MAPK10: variants seen among roughly 807,000 people sequenced by gnomAD.
The protein encoded by MAPK10 is JNK3 alpha protein kinase.
MAPK10 carries 25 observed loss-of-function variants against 59.3 expected under a neutral mutation model. That is an observed-to-expected ratio of 0.42 (90% confidence interval 0.31 to 0.59). The LOEUF is 0.59. Ranked by LOEUF, MAPK10 falls within the 20% of genes least tolerant of loss-of-function variation. The pLI is 0.15. For missense variants in MAPK10, 351 were observed against 568.9 expected, an observed-to-expected ratio of 0.62 and a Z score of 3.90; for synonymous variants, 190 against 200.5, an observed-to-expected ratio of 0.95 and a Z score of 0.44.
At chr4:86,151,166 C>A (rs925540668) in intron 4 of MAPK10, among the ~76,000 whole-genome samples, 9 of 152,202 alleles carry the variant, frequency 5.9e-5, no homozygotes, top group Admixed American at 1.3e-4. Context: ...AAGGAACTAA[C>A]TGGGCAGGGA....
At chr4:86,251,407 T>C (rs1311823460) in intron 2 of MAPK10, among the ~76,000 whole-genome samples, 1 of 150,278 alleles carries the variant, frequency 6.7e-6, no homozygotes, top group East Asian at 2.0e-4. Flanking sequence ...TCCCCACCTA[T>C]GAGTGAGAAT....
intron 1 of MAPK10, among the ~76,000 whole-genome samples, chr4:86,408,439 T>C (rs933344560): frequency 1.3e-5 from 2 of 152,156 alleles, no homozygotes; most frequent in African/African-American, 4.8e-5. Context: ...CTGGGTCAAA[T>C]GGTATTTCTA....
intron 1 of MAPK10, among the ~76,000 whole-genome samples, chr4:86,479,837 A>C (rs369855428): frequency 2.3e-4 from 35 of 152,210 alleles, no homozygotes; most frequent in Middle Eastern, 6.8e-3. Context: ...TAATTCTATA[A>C]GACAAATGTT....
chr4:86,339,681 C>T (rs1039776418), intron 2 of MAPK10, among the ~76,000 whole-genome samples: 2 of 152,150 alleles, frequency 1.3e-5, no homozygotes, highest in African/African-American at 4.8e-5. Flanking sequence ...TCAATTTACT[C>T]ATCTGTAAAG....
intron 2 of MAPK10, among the ~76,000 whole-genome samples, chr4:86,313,088 C>T (rs1484412201): frequency 6.6e-6 from 1 of 151,194 alleles, no homozygotes; most frequent in Non-Finnish European, 1.5e-5. Context: ...CATATATATA[C>T]ACACACATAG....
rs549580424 is a variant in MAPK10 at position 86,534,135 on chromosome 4, G to T, written c.-263+59775C>A. ...CCTTATATTATTTACCTCTCTAAAA[G>T]GCAGAGGCCCTGTCTTATATGTCTT... On this transcript the variant is annotated intron_variant, in intron 1 of 4. Transcript: ENST00000502302. Among the ~76,000 whole-genome samples the T allele has an allele frequency of 1.2e-4, 19 of 152,004 alleles. No homozygotes were observed. In the South Asian group the frequency reaches 2.3e-3, roughly 18 times the overall value.
rs777934564 is a variant in MAPK10, at chr4:86,067,792, G to A, written c.966C>T (p.Ser322=). 6 of 1,612,210 alleles carry A rather than the reference G, an allele frequency of 3.7e-6. No individual in the cohort carries two copies. Among genetic ancestry groups the A allele is most frequent in the South Asian group, 1.1e-5 (1 of 90,780 alleles). The change falls in exon 10 of 14, where the codon TCC becomes TCT. Residue 322 remains serine, a synonymous_variant. Coordinates refer to ENST00000641462, the MANE Select transcript of MAPK10 (RefSeq NM_138982.4). ...GCATACCTTTGAGTTTATTGTGCTC[G>A]GAGTCCGCTGGGAAGAGGGAATCTG... The part of the protein sequence containing the change: ...LFPDSLFPAD[S]EHNKLKASQA...
At chr4:86,277,137 C>A (rs1271415998) in intron 2 of MAPK10, 1 of 143,670 alleles carries the variant, frequency 7.0e-6, no homozygotes, top group African/African-American at 2.5e-5. Flanking sequence ...TTGTGACCAT[C>A]TTTTTTTTTT....
At chr4:86,415,478 C>T (rs1239924773) in intron 1 of MAPK10, among the ~76,000 whole-genome samples, 1 of 152,160 alleles carries the variant, frequency 6.6e-6, no homozygotes, top group Non-Finnish European at 1.5e-5. Flanking sequence ...TTGTGAATCT[C>T]TGATGCTTTG....
intron 1 of MAPK10, among the ~76,000 whole-genome samples, chr4:86,372,564 G>GAAAGAAAGAAAGAAAGAAAGAAAGGA: frequency 3.7e-4 from 29 of 78,714 alleles, no homozygotes; most frequent in Admixed American, 1.8e-3. Context: ...AAGAAAGAAA[G>GAAAGAAAGAAAGAAAGAAAGAAAGGA]AAAGAAAAGA....
chr4:86,495,928 A>G (rs765436705), intron 1 of MAPK10, among the ~76,000 whole-genome samples: 2 of 152,220 alleles, frequency 1.3e-5, no homozygotes, highest in East Asian at 1.9e-4. Flanking sequence ...CAAAAAAACT[A>G]TAAGAATAAT....
chr4:86,267,378 C>A (rs758371288), intron 2 of MAPK10, among the ~76,000 whole-genome samples: 3 of 152,248 alleles, frequency 2.0e-5, no homozygotes, highest in Non-Finnish European at 4.4e-5. Flanking sequence ...GGCTTTCATG[C>A]TCTGTGTACT....
intron 2 of MAPK10, among the ~76,000 whole-genome samples, chr4:86,293,564 T>C (rs2148825703): frequency 6.6e-6 from 1 of 152,328 alleles, no homozygotes; most frequent in Non-Finnish European, 1.5e-5. Context: ...CATTCTTGCA[T>C]TGCTATATGG....
intron 1 of MAPK10, among the ~76,000 whole-genome samples, chr4:86,374,428 T>G (rs1329506084): frequency 6.6e-6 from 1 of 152,120 alleles, no homozygotes; most frequent in Admixed American, 6.6e-5. Context: ...TTTAAAAAGA[T>G]GTATCCCTCA....
chr4:86,100,818 C>G lies in MAPK10; in HGVS notation c.730+234G>C. On this transcript the variant is annotated intron_variant, in intron 8 of 13. Coordinates refer to ENST00000641462, the MANE Select transcript of MAPK10 (RefSeq NM_138982.4). Reference sequence around the variant, plus strand: ...GTTTAATCAGACTCCATTTACAATTCTTTTTCACTATTAACATTTAGTGCT... The same window carrying G: ...GTTTAATCAGACTCCATTTACAATTGTTTTTCACTATTAACATTTAGTGCT... 3 of 405,024 alleles carry G rather than the reference C, an allele frequency of 7.4e-6. 1 individual carries two copies. Among genetic ancestry groups the G allele is most frequent in the Non-Finnish European group, 1.3e-5 (3 of 222,228 alleles). 25.1% of individuals were successfully genotyped at this position (405,024 alleles called of 1,614,324 possible). A position where few individuals can be genotyped will look rare whatever the true frequency, so the allele number is the denominator to read the frequency against.
At chr4:86,240,723 T>C (rs1487160952) in intron 2 of MAPK10, among the ~76,000 whole-genome samples, 1 of 152,102 alleles carries the variant, frequency 6.6e-6, no homozygotes, top group Admixed American at 6.6e-5. Flanking sequence ...ATTTGGAGCC[T>C]GTGTGTGTCT....
chr4:86,179,699 T>C (rs2076469733), intron 3 of MAPK10, among the ~76,000 whole-genome samples: 2 of 152,202 alleles, frequency 1.3e-5, no homozygotes, highest in Admixed American at 1.3e-4. Flanking sequence ...AATTTACATA[T>C]CTACGCCAAC....
intron 2 of MAPK10, among the ~76,000 whole-genome samples, chr4:86,334,759 A>AC (rs1233594724): frequency 2.2e-4 from 2 of 9,134 alleles, no homozygotes; most frequent in African/African-American, 4.9e-4. Context: ...AAAAACAACA[A>AC]AAAAAAAAAC....
intron 1 of MAPK10, among the ~76,000 whole-genome samples, chr4:86,415,159 T>C (rs968872910): frequency 1.3e-5 from 2 of 149,824 alleles, no homozygotes; most frequent in Non-Finnish European, 3.0e-5. Flanking sequence ...AAAAAAAACT[T>C]CCATTACGGC....
Sources: gnomAD v4.1 joint callset for allele counts (sites outside exome capture counted in the v4.1 genomes callset) on GRCh38, gnomAD v4.1.1 for gene constraint, MANE v1.5 for transcripts, NCBI Gene and HGNC (gene_info 2026-07-23, HGNC 2026-07-21) for gene names.